VTI1A: variants seen among roughly 807,000 people sequenced by gnomAD.
VTI1A encodes vesicle transport through interaction with t-SNAREs homolog 1A.
VTI1A carries 22 observed loss-of-function variants against 34.9 expected under a neutral mutation model. The observed-to-expected ratio is 0.63, with a 90% CI of 0.45 to 0.90. The LOEUF is 0.90. VTI1A is among the 40% of genes least tolerant of loss of function. VTI1A has a pLI of 0.00. For missense variants in VTI1A, 268 were observed against 275.6 expected (o/e 0.97, Z 0.20); for synonymous variants, 87 against 97.3 (o/e 0.89, Z 0.62).
intron 7 of VTI1A, among the ~76,000 whole-genome samples, chr10:112,729,774 T>A (rs375761774): frequency 8.5e-5 from 13 of 152,322 alleles, no homozygotes; most frequent in African/African-American, 2.6e-4. Flanking sequence ...CATTTTCAAA[T>A]CAGCTGATTG....
intron 5 of VTI1A, among the ~76,000 whole-genome samples, chr10:112,649,904 G>A (rs933413567): frequency 6.6e-6 from 1 of 152,184 alleles, no homozygotes; most frequent in African/African-American, 2.4e-5. Flanking sequence ...CACTCACCAT[G>A]AATATGAATA....
chr10:112,800,092 T>C (rs1852825117), intron 7 of VTI1A, among the ~76,000 whole-genome samples: 1 of 152,006 alleles, frequency 6.6e-6, no homozygotes. Context: ...AAGAAAAAGG[T>C]GTTAAATAAA....
rs190747010 is a variant in VTI1A at position 112,492,848 on chromosome 10, C to T, written c.264+28191C>T. ...CATAACATTTTCCATTATAAATATA[C>T]AATTCAGTGATTTTTTTAGGATATT... On this transcript the variant is annotated intron_variant, in intron 3 of 7. Coordinates refer to ENST00000393077, the MANE Select transcript of VTI1A (RefSeq NM_145206.4). Among the ~76,000 whole-genome samples the T allele has an allele frequency of 4.6e-5, 7 of 151,226 alleles. No individual in the cohort carries two copies. The East Asian group carries it at 7.8e-4, about 17-fold the overall frequency.
In VTI1A at chr10:112,736,109, G is replaced by GTA. The variant is rs1181090787; in HGVS notation, c.560+67112_560+67113insAT. Among the ~76,000 whole-genome samples, 729 of 116,812 alleles carry GTA rather than the reference G, an allele frequency of 6.2e-3. 7 individuals are homozygous for GTA. Among genetic ancestry groups the GTA allele is most frequent in the African/African-American group, 0.027 (674 of 25,016 alleles). The allele number at this position is 116,812 out of a possible 152,430, so 76.6% of individuals were successfully genotyped here. ...GTATATTTTACATATATATGTGTGT[G>GTA]TGTATATATATATATATATATATAT... On this transcript the variant is annotated intron_variant, in intron 7 of 7. Coordinates refer to ENST00000393077, the MANE Select transcript of VTI1A (RefSeq NM_145206.4).
chr10:112,507,712 A>G (rs1362100173), intron 3 of VTI1A, among the ~76,000 whole-genome samples: 1 of 152,114 alleles, frequency 6.6e-6, no homozygotes, highest in African/African-American at 2.4e-5. Flanking sequence ...CTCTTTTACC[A>G]TGCTCTGAGC....
At chr10:112,797,959 G>A (rs1852730619) in intron 7 of VTI1A, among the ~76,000 whole-genome samples, 1 of 152,224 alleles carries the variant, frequency 6.6e-6, no homozygotes, top group Non-Finnish European at 1.5e-5. Flanking sequence ...GTATCTGTGA[G>A]ATAGAAACTC....
intron 7 of VTI1A, among the ~76,000 whole-genome samples, chr10:112,714,044 C>T (rs1280314449): frequency 6.6e-6 from 1 of 152,126 alleles, no homozygotes; most frequent in Non-Finnish European, 1.5e-5. Flanking sequence ...TCTAGGTCTC[C>T]CCACTGTAAC....
At chr10:112,618,298 A>G (rs925298162) in intron 5 of VTI1A, among the ~76,000 whole-genome samples, 9 of 151,520 alleles carry the variant, frequency 5.9e-5, no homozygotes, top group Admixed American at 4.6e-4. Context: ...ATGAAATGAG[A>G]TAAGTAGCAT....
intron 7 of VTI1A, among the ~76,000 whole-genome samples, chr10:112,790,742 G>A (rs111407008): frequency 1.6e-3 from 237 of 149,286 alleles, no homozygotes; most frequent in African/African-American, 5.5e-3. Context: ...GCCTTTGGTC[G>A]TCATCCAGAT....
At chr10:112,540,984 A>G (rs1036964094) in intron 5 of VTI1A, among the ~76,000 whole-genome samples, 3 of 152,342 alleles carry the variant, frequency 2.0e-5, no homozygotes, top group East Asian at 3.9e-4. Flanking sequence ...CTGCAAAATG[A>G]GAAGAGAAGT....
intron 4 of VTI1A, among the ~76,000 whole-genome samples, chr10:112,536,171 A>C (rs1035906698): frequency 9.2e-5 from 14 of 152,216 alleles, no homozygotes; most frequent in African/African-American, 3.4e-4. Context: ...GTAAATCTCT[A>C]ATAACTAAAT....
At chr10:112,653,815 G>T (rs1395307427) in intron 5 of VTI1A, among the ~76,000 whole-genome samples, 1 of 152,122 alleles carries the variant, frequency 6.6e-6, no homozygotes, top group Non-Finnish European at 1.5e-5. Context: ...GTCCCCCAGG[G>T]TTTCAACCTA....
chr10:112,554,609 A>G (rs1851481464), intron 5 of VTI1A, among the ~76,000 whole-genome samples: 1 of 152,132 alleles, frequency 6.6e-6, no homozygotes, highest in African/African-American at 2.4e-5. Context: ...TTTATTGAGT[A>G]CCCATCATGT....
intron 3 of VTI1A, among the ~76,000 whole-genome samples, chr10:112,475,966 A>T (rs1848261268): frequency 6.6e-6 from 1 of 152,228 alleles, no homozygotes; most frequent in Non-Finnish European, 1.5e-5. Context: ...TGCAACTGTC[A>T]GCCTATTAAA....
At chr10:112,687,534 CTTT>C (rs1162881695) in intron 7 of VTI1A, among the ~76,000 whole-genome samples, 1 of 150,542 alleles carries the variant, frequency 6.6e-6, no homozygotes, top group Non-Finnish European at 1.5e-5. Context: ...CGCCCGGCAA[CTTT>C]TTTTTTAAGC....
chr10:112,689,827 A>G (rs1848553329), intron 7 of VTI1A, among the ~76,000 whole-genome samples: 1 of 152,010 alleles, frequency 6.6e-6, no homozygotes, highest in South Asian at 2.1e-4. Context: ...GTTGGTATGC[A>G]TATGCAGCTG....
chr10:112,786,938 A>G (rs1852306712), intron 7 of VTI1A, among the ~76,000 whole-genome samples: 1 of 152,188 alleles, frequency 6.6e-6, no homozygotes, highest in East Asian at 1.9e-4. Context: ...AAGTTGGCAT[A>G]GTCTCTCCAT....
At chr10:112,635,626 A>C (rs1161971173) in intron 5 of VTI1A, among the ~76,000 whole-genome samples, 1 of 152,218 alleles carries the variant, frequency 6.6e-6, no homozygotes. Flanking sequence ...ACCAGTTAAG[A>C]GGCTTTTGCA....
chr10:112,811,993 C>A (rs1853334221), intron 7 of VTI1A, among the ~76,000 whole-genome samples: 1 of 152,186 alleles, frequency 6.6e-6, no homozygotes, highest in Non-Finnish European at 1.5e-5. Context: ...TGAGTTCAGC[C>A]TCAAAGTAAA....
Sources: allele counts gnomAD v4.1 joint callset (sites outside exome capture counted in the v4.1 genomes callset), GRCh38; gene constraint gnomAD v4.1.1; transcripts MANE v1.5; gene names NCBI Gene and HGNC (gene_info 2026-07-23, HGNC 2026-07-21).